Variants in NTM observed in about 807,000 individuals in gnomAD.
NTM encodes neurotrimin.
A neutral mutation model predicts 42.1 loss-of-function variants in NTM; 13 were observed. That is an observed-to-expected ratio of 0.31 (90% CI 0.20 to 0.49). The LOEUF (loss-of-function observed/expected upper bound fraction) is 0.49. NTM is among the 20% of genes least tolerant of loss of function. The pLI is 0.99. For missense variants in NTM, 373 were observed against 452.8 expected, an observed-to-expected ratio of 0.82 and a Z score of 1.60; for synonymous variants, 187 against 179.2, an observed-to-expected ratio of 1.04 and a Z score of -0.35.
chr11:131,828,810 C>CA (rs1426051256), intron 1 of NTM, among the ~76,000 whole-genome samples: 1 of 152,204 alleles, frequency 6.6e-6, no homozygotes, highest in Admixed American at 6.5e-5. Context: ...TTCCAAGTAT[C>CA]AGAGTATCTA....
intron 1 of NTM, among the ~76,000 whole-genome samples, chr11:131,906,978 T>A (rs559724438): frequency 3.3e-5 from 5 of 152,346 alleles, no homozygotes; most frequent in African/African-American, 1.2e-4. Context: ...AGCCCTTCCC[T>A]ACTGCCCTAG....
At chr11:131,377,319 T>G (rs753382087) in intron 1 of NTM, among the ~76,000 whole-genome samples, 1 of 152,204 alleles carries the variant, frequency 6.6e-6, no homozygotes, top group Non-Finnish European at 1.5e-5. Context: ...TTGTCTTGTG[T>G]GTTTGAGTTA....
intron 4 of NTM, among the ~76,000 whole-genome samples, chr11:132,291,914 A>G (rs1206343662): frequency 6.6e-6 from 1 of 152,218 alleles, no homozygotes; most frequent in Non-Finnish European, 1.5e-5. Flanking sequence ...GACTGGTTGA[A>G]GTGTGAATAT....
chr11:131,929,544 C>A (rs550111350), intron 2 of NTM, among the ~76,000 whole-genome samples: 2 of 151,608 alleles, frequency 1.3e-5, no homozygotes, highest in African/African-American at 4.8e-5. Flanking sequence ...ATTTTCTTTG[C>A]GTTTTTGTGT....
chr11:131,639,208 G>A (rs890246892), intron 1 of NTM, among the ~76,000 whole-genome samples: 3 of 152,314 alleles, frequency 2.0e-5, no homozygotes, highest in Non-Finnish European at 2.9e-5. Context: ...ATGTTAAGAC[G>A]TCTTTTAGCA....
intron 1 of NTM, among the ~76,000 whole-genome samples, chr11:131,444,764 C>G (rs1448948129): frequency 6.6e-6 from 1 of 151,982 alleles, no homozygotes; most frequent in Admixed American, 6.6e-5. Flanking sequence ...AAGTTGGGGT[C>G]AAGGATACAA....
intron 1 of NTM, among the ~76,000 whole-genome samples, chr11:131,693,171 A>G (rs1045371974): frequency 5.9e-5 from 9 of 152,042 alleles, no homozygotes; most frequent in South Asian, 2.1e-4. Flanking sequence ...AAATTCACAA[A>G]CAATCCCAGA....
At chr11:132,151,140 C>G (rs1302683218) in intron 3 of NTM, among the ~76,000 whole-genome samples, 1 of 152,156 alleles carries the variant, frequency 6.6e-6, no homozygotes, top group Admixed American at 6.5e-5. Context: ...TCCTTTCACC[C>G]TCTTAATCCT....
chr11:132,226,298 C>T (rs2086260762), intron 4 of NTM, among the ~76,000 whole-genome samples: 1 of 152,170 alleles, frequency 6.6e-6, no homozygotes, highest in African/African-American at 2.4e-5. Flanking sequence ...CTGTCTTGCA[C>T]AATGGTTGAA....
At chr11:132,242,166 C>T (rs189980819) in intron 4 of NTM, among the ~76,000 whole-genome samples, 4 of 152,346 alleles carry the variant, frequency 2.6e-5, no homozygotes, top group African/African-American at 4.8e-5. Context: ...AGCCTCAGAT[C>T]AACTAGTGGA....
intron 6 of NTM, among the ~76,000 whole-genome samples, chr11:132,314,338 C>A (rs2095365923): frequency 6.6e-6 from 1 of 152,144 alleles, no homozygotes; most frequent in South Asian, 2.1e-4. Flanking sequence ...GTAGGAGTGC[C>A]CCTGGGCACA....
chr11:132,153,937 C>T (rs1349029134), intron 3 of NTM, among the ~76,000 whole-genome samples: 2 of 152,152 alleles, frequency 1.3e-5, no homozygotes, highest in Admixed American at 1.3e-4. Flanking sequence ...GACAAAACTA[C>T]AAAGTTATAT....
intron 1 of NTM, among the ~76,000 whole-genome samples, chr11:131,418,747 G>C (rs1164832533): frequency 6.6e-6 from 1 of 152,136 alleles, no homozygotes; most frequent in African/African-American, 2.4e-5. Flanking sequence ...GATTTCCCTG[G>C]TCAGTCTATT....
chr11:132,147,733 T>C (rs1294955857), intron 3 of NTM, among the ~76,000 whole-genome samples: 1 of 151,968 alleles, frequency 6.6e-6, no homozygotes, highest in Non-Finnish European at 1.5e-5. Context: ...GACGTGTAGC[T>C]CCAGGGTGAC....
At chr11:131,880,058 T>C (rs373266997) in intron 1 of NTM, among the ~76,000 whole-genome samples, 2 of 152,130 alleles carry the variant, frequency 1.3e-5, no homozygotes, top group South Asian at 4.2e-4. Flanking sequence ...AACATCAACT[T>C]TCTTCTTTCT....
intron 2 of NTM, among the ~76,000 whole-genome samples, chr11:131,913,788 C>G (rs987241463): frequency 3.9e-5 from 6 of 152,174 alleles, no homozygotes; most frequent in African/African-American, 1.4e-4. Flanking sequence ...ACATCTCCTG[C>G]CATTCTGTGC....
At chr11:131,844,902 G>A (rs2044723857) in intron 1 of NTM, among the ~76,000 whole-genome samples, 2 of 151,906 alleles carry the variant, frequency 1.3e-5, no homozygotes, top group South Asian at 2.1e-4. Flanking sequence ...ATATCATTAG[G>A]CAGTTTGTTG....
At chr11:131,813,524 G>T (rs1362158504) in intron 1 of NTM, among the ~76,000 whole-genome samples, 1 of 151,986 alleles carries the variant, frequency 6.6e-6, no homozygotes. Context: ...GGGGAGTCTG[G>T]GATGCTCAAC....
intron 1 of NTM, among the ~76,000 whole-genome samples, chr11:131,563,141 A>T (rs1415643643): frequency 6.6e-6 from 1 of 152,322 alleles, no homozygotes; most frequent in East Asian, 1.9e-4. Flanking sequence ...TCCTGGGGGA[A>T]ACTGCAAGGC....
Sources: allele counts gnomAD v4.1 joint callset (sites outside exome capture counted in the v4.1 genomes callset), GRCh38; gene constraint gnomAD v4.1.1; transcripts MANE v1.5; gene names NCBI Gene and HGNC (gene_info 2026-07-23, HGNC 2026-07-21).